GAP43: variants seen among roughly 807,000 people sequenced by gnomAD.
The protein encoded by GAP43 is neuromodulin.
GAP43 carries 6 observed loss-of-function variants against 18.6 expected under a neutral mutation model. The observed-to-expected ratio is 0.32, with a 90% CI of 0.18 to 0.64. The LOEUF is 0.64. Ranked by LOEUF, GAP43 falls within the 30% of genes least tolerant of loss-of-function variation. GAP43 has a pLI of 0.78. For missense variants in GAP43, 292 were observed against 295.5 expected, an observed-to-expected ratio of 0.99 and a Z score of 0.09; for synonymous variants, 115 against 111.4, an observed-to-expected ratio of 1.03 and a Z score of -0.20.
At chr3:115,711,589 A>G (rs1488552899) in intron 2 of GAP43, among the ~76,000 whole-genome samples, 1 of 152,106 alleles carries the variant, frequency 6.6e-6, no homozygotes, top group Admixed American at 6.6e-5. Flanking sequence ...AACAACACTC[A>G]CTATCGCATT....
intron 1 of GAP43, among the ~76,000 whole-genome samples, chr3:115,657,387 TC>T (rs1334388195): frequency 6.6e-6 from 1 of 152,212 alleles, no homozygotes; most frequent in Non-Finnish European, 1.5e-5. Context: ...GTGAAACTGA[TC>T]CCGGGCCTCT....
chr3:115,624,678 T>C (rs1656944443), intron 1 of GAP43, among the ~76,000 whole-genome samples: 2 of 152,030 alleles, frequency 1.3e-5, no homozygotes, highest in South Asian at 2.1e-4. Flanking sequence ...CATTTCCAAT[T>C]GCTCGCTTAT....
At chr3:115,701,763 T>A (rs1709299970) in intron 2 of GAP43, among the ~76,000 whole-genome samples, 1 of 152,078 alleles carries the variant, frequency 6.6e-6, no homozygotes, top group Non-Finnish European at 1.5e-5. Flanking sequence ...CTGTTTCCCA[T>A]AATCATAAGC....
intron 2 of GAP43, among the ~76,000 whole-genome samples, chr3:115,692,300 G>A: frequency 6.6e-6 from 1 of 152,196 alleles, no homozygotes; most frequent in Non-Finnish European, 1.5e-5. Flanking sequence ...GATAAACCCA[G>A]ATATCGCAAG....
chr3:115,689,929 A>G (rs1709083853), intron 2 of GAP43, among the ~76,000 whole-genome samples: 1 of 152,206 alleles, frequency 6.6e-6, no homozygotes, highest in Non-Finnish European at 1.5e-5. Context: ...GTGTGGGAGA[A>G]GCAGGGCTGG....
intron 1 of GAP43, among the ~76,000 whole-genome samples, chr3:115,629,810 C>A (rs980104257): frequency 1.3e-5 from 2 of 152,082 alleles, no homozygotes; most frequent in African/African-American, 4.8e-5. Flanking sequence ...GGTTTATAGT[C>A]TTTTCACAGG....
chr3:115,638,978 T>G (rs1403715766), intron 1 of GAP43, among the ~76,000 whole-genome samples: 4 of 152,036 alleles, frequency 2.6e-5, no homozygotes, highest in Non-Finnish European at 5.9e-5. Context: ...CAGGTAGGAG[T>G]TATGTCCATG....
chr3:115,630,659 A>G (rs1438417587), intron 1 of GAP43, among the ~76,000 whole-genome samples: 1 of 152,170 alleles, frequency 6.6e-6, no homozygotes, highest in Non-Finnish European at 1.5e-5. Flanking sequence ...GTATTTGTCA[A>G]TTGCCATACC....
intron 1 of GAP43, among the ~76,000 whole-genome samples, chr3:115,670,469 T>C (rs1410158233): frequency 6.6e-6 from 1 of 152,156 alleles, no homozygotes; most frequent in Non-Finnish European, 1.5e-5. Context: ...TGACATTCCA[T>C]CTATAGAACT....
chr3:115,677,103 A>G (rs1361233603), intron 2 of GAP43, among the ~76,000 whole-genome samples: 6 of 152,210 alleles, frequency 3.9e-5, no homozygotes, highest in Non-Finnish European at 8.8e-5. Context: ...GTATAATCTC[A>G]GACCACCCTT....
chr3:115,695,139 T>G (rs982968024), intron 2 of GAP43, among the ~76,000 whole-genome samples: 5 of 152,218 alleles, frequency 3.3e-5, no homozygotes, highest in African/African-American at 1.2e-4. Flanking sequence ...AAGAAAAATT[T>G]TAGGATCTTT....
At chr3:115,641,836 T>C (rs890434849) in intron 1 of GAP43, among the ~76,000 whole-genome samples, 4 of 152,078 alleles carry the variant, frequency 2.6e-5, no homozygotes, top group Non-Finnish European at 5.9e-5. Context: ...GATTGAAATA[T>C]TTCTCAGAAT....
At chr3:115,698,050 T>TAATATATAAAATATATATTATATATAA (rs1399746809) in intron 2 of GAP43, among the ~76,000 whole-genome samples, 2 of 75,276 alleles carry the variant, frequency 2.7e-5, no homozygotes, top group African/African-American at 1.4e-4. Flanking sequence ...ATATTATATA[T>TAATATATAAAATATATATTATATATAA]TATATAAAAT....
intron 1 of GAP43, among the ~76,000 whole-genome samples, chr3:115,647,923 T>C (rs964911677): frequency 5.9e-5 from 9 of 152,016 alleles, no homozygotes; most frequent in Admixed American, 5.9e-4. Context: ...GAAACACGTA[T>C]ATAGAAGAGA....
chr3:115,645,525 C>G (rs1247159190), intron 1 of GAP43, among the ~76,000 whole-genome samples: 2 of 151,854 alleles, frequency 1.3e-5, no homozygotes, highest in African/African-American at 2.4e-5. Flanking sequence ...TTCATTGTAC[C>G]TGGTCATTCT....
intron 2 of GAP43, among the ~76,000 whole-genome samples, chr3:115,698,238 AAT>A (rs1553724657): frequency 2.9e-4 from 7 of 24,028 alleles, no homozygotes; most frequent in African/African-American, 8.4e-4. Flanking sequence ...ATATATATAA[AAT>A]ATATATAATA....
At chr3:115,679,028 C>T (rs1209317049) in intron 2 of GAP43, among the ~76,000 whole-genome samples, 1 of 151,868 alleles carries the variant, frequency 6.6e-6, no homozygotes, top group Non-Finnish European at 1.5e-5. Context: ...GTGCCCTGTA[C>T]TGCATTTCCT....
At chr3:115,698,096 TATAATATATAAAATATATAA>T in intron 2 of GAP43, among the ~76,000 whole-genome samples, 2 of 53,032 alleles carry the variant, frequency 3.8e-5, no homozygotes, top group Non-Finnish European at 3.5e-5. Flanking sequence ...ATGTATTATA[TATAATATATAAAATATATAA>T]TATATATTAT....
At chr3:115,713,768 ATTG>A (rs903054312) in intron 2 of GAP43, among the ~76,000 whole-genome samples, 1 of 152,228 alleles carries the variant, frequency 6.6e-6, no homozygotes, top group Non-Finnish European at 1.5e-5. Context: ...CTACCATTAC[ATTG>A]TTGTAAATAC....
Sources: allele counts gnomAD v4.1 joint callset (sites outside exome capture counted in the v4.1 genomes callset), GRCh38; gene constraint gnomAD v4.1.1; transcripts MANE v1.5; gene names NCBI Gene and HGNC (gene_info 2026-07-23, HGNC 2026-07-21).